Variants in PTCRA observed in about 807,000 individuals in gnomAD.
PTCRA encodes the protein pre T cell antigen receptor alpha.
PTCRA carries 9 observed loss-of-function variants against 13.4 expected under a neutral mutation model. That is an observed-to-expected ratio of 0.67 (90% CI 0.41 to 1.18). The LOEUF is 1.18. PTCRA is among the 50% of genes most tolerant of loss of function. PTCRA has a pLI of 0.01. For synonymous variants in PTCRA, 153 were observed against 161.9 expected (o/e 0.94, Z 0.42); for missense variants, 353 against 359.8 (o/e 0.98, Z 0.15).
At chr6:42,921,733 C>T (rs919341204) in intron 1 of PTCRA, among the ~76,000 whole-genome samples, 7 of 88,174 alleles carry the variant, frequency 7.9e-5, no homozygotes, top group Admixed American at 2.6e-4. Context: ...CTTTTTTTTT[C>T]AAAAAAAAAA....
chr6:42,920,632 A>G (rs756019241), intron 1 of PTCRA, among the ~76,000 whole-genome samples: 127 of 151,620 alleles, frequency 8.4e-4, no homozygotes, highest in Non-Finnish European at 1.5e-3. Context: ...TCACCGTGTT[A>G]GCCAGGATGG....
chr6:42,921,974 G>A (rs1159375605), intron 1 of PTCRA, among the ~76,000 whole-genome samples: 1 of 151,776 alleles, frequency 6.6e-6, no homozygotes, highest in Admixed American at 6.6e-5. Context: ...GCAGTGAGCC[G>A]ACATGGTGCC....
In PTCRA at chr6:42,920,639, A is replaced by T. The variant is rs558195801; in HGVS notation, c.59-2388A>T. ...ACGGGGTTTCACCGTGTTAGCCAGG[A>T]TGGTCTCTATCTCCTGACCTCGTGA... is the stretch of plus-strand genomic sequence containing the variant. On this transcript the variant is annotated intron_variant, in intron 1 of 3. Transcript: ENST00000304672. Among the ~76,000 whole-genome samples the T allele has an allele frequency of 3.2e-4, 48 of 151,564 alleles. 1 individual carries two copies. Among genetic ancestry groups the T allele is most frequent in the South Asian group, 2.5e-3 (12 of 4,788 alleles).
intron 2 of PTCRA, among the ~76,000 whole-genome samples, chr6:42,923,930 A>G (rs995597726): frequency 2.0e-5 from 3 of 152,230 alleles, no homozygotes; most frequent in African/African-American, 7.2e-5. Context: ...AATGTTTGTT[A>G]ACTAAGTGCC....
chr6:42,916,878 A>C (rs1766897117), intron 1 of PTCRA, among the ~76,000 whole-genome samples: 2 of 152,176 alleles, frequency 1.3e-5, no homozygotes, highest in South Asian at 2.1e-4. Context: ...TATGTGGAAC[A>C]CAGGGAGCCC....
chr6:42,922,572 C>T (rs796186800), intron 1 of PTCRA, among the ~76,000 whole-genome samples: 19 of 151,966 alleles, frequency 1.3e-4, no homozygotes, highest in African/African-American at 4.3e-4. Flanking sequence ...CACGTCTCTA[C>T]TAAAAATAAA....
intron 3 of PTCRA, 47 bp downstream of exon 3, chr6:42,924,320 A>T: frequency 6.4e-7 from 1 of 1,565,264 alleles, no homozygotes; most frequent in Non-Finnish European, 8.8e-7. Flanking sequence ...TGGGACCAGG[A>T]CCTTGGGCCC....
In PTCRA at chr6:42,916,080, C is replaced by T. The variant is rs1766862864; in HGVS notation, c.11C>T (p.Thr4Ile). MAG[T>I]WLLLLLALGC... ...CCTTCCGAGTGGGCCATGGCCGGTA[C>T]ATGGCTGCTACTTCTCCTGGCCCTT... Residue 4 changes from threonine to isoleucine, a missense_variant, in exon 1 of 4, where the codon ACA becomes ATA. Coordinates refer to ENST00000304672, the MANE Select transcript of PTCRA (RefSeq NM_138296.3). 1 of 1,613,974 alleles carries T rather than the reference C, an allele frequency of 6.2e-7. No homozygotes were observed. Among genetic ancestry groups the T allele is most frequent in the Non-Finnish European group, 8.5e-7 (1 of 1,179,954 alleles).
chr6:42,922,286 T>A, intron 1 of PTCRA: 1 of 701,632 alleles, frequency 1.4e-6, no homozygotes, highest in Non-Finnish European at 2.6e-6. Flanking sequence ...TTTTTACACA[T>A]CTACTGTCTT....
At chr6:42,923,441 G>A in intron 2 of PTCRA, 94 bp downstream of exon 2, 1 of 1,242,928 alleles carries the variant, frequency 8.0e-7, no homozygotes, top group Non-Finnish European at 1.1e-6. Context: ...GGCCACAAAG[G>A]CATGAAGGGT....
chr6:42,916,702 C>A (rs1298452540), intron 1 of PTCRA, among the ~76,000 whole-genome samples: 2 of 152,138 alleles, frequency 1.3e-5, no homozygotes, highest in African/African-American at 2.4e-5. Flanking sequence ...AGCCAAAGGA[C>A]TCATGTTTTG....
At chr6:42,919,238 C>T (rs1581680293) in intron 1 of PTCRA, among the ~76,000 whole-genome samples, 1 of 152,110 alleles carries the variant, frequency 6.6e-6, no homozygotes, top group East Asian at 1.9e-4. Flanking sequence ...TTGTGATCTG[C>T]CCACCTCAGC....
chr6:42,918,510 C>G (rs1433206886), intron 1 of PTCRA, among the ~76,000 whole-genome samples: 1 of 151,942 alleles, frequency 6.6e-6, no homozygotes, highest in African/African-American at 2.4e-5. Flanking sequence ...AACAGAGATC[C>G]TGCCACTGCA....
intron 1 of PTCRA, 110 bp downstream of exon 1, chr6:42,916,237 G>A: frequency 9.1e-7 from 1 of 1,101,368 alleles, no homozygotes; most frequent in Admixed American, 2.0e-5. Context: ...CAGGACAAGA[G>A]ATATTTAGGG....
In PTCRA at chr6:42,925,661, T is replaced by C. The variant is rs1186941258; in HGVS notation, c.825T>C (p.Pro275=). 2.0e-6 allele frequency: 3 copies of C among 1,537,872 alleles called. No individual in the cohort carries two copies. In the East Asian group the frequency reaches 6.8e-5, roughly 35 times the overall value. ...GAFFAGDLPP[P]LQAGAA is the part of the protein sequence containing the mutation. ...TTTTTGCAGGTGACCTGCCTCCTCC[T>C]CTGCAGGCTGGAGCTGCCTGAGGGC... The change falls in exon 4 of 4, where the codon CCT becomes CCC. Residue 275 remains proline (P), a synonymous_variant. Transcript: ENST00000304672. The surrounding 1 kb of genome is among the most constrained non-coding windows in gnomAD (Gnocchi z 4.4).
chr6:42,920,993 C>T (rs992792174), intron 1 of PTCRA, among the ~76,000 whole-genome samples: 1 of 151,772 alleles, frequency 6.6e-6, no homozygotes, highest in Non-Finnish European at 1.5e-5. Flanking sequence ...GATGGGGTTT[C>T]GCCATGTTGG....
intron 3 of PTCRA, 72 bp downstream of exon 3, chr6:42,924,345 T>A: frequency 7.5e-7 from 1 of 1,338,652 alleles, no homozygotes; most frequent in East Asian, 2.3e-5. Context: ...GGTGGGGCCT[T>A]CAGCTCTGGC....
At chr6:42,916,392 G>C (rs767869013) in intron 1 of PTCRA, among the ~76,000 whole-genome samples, 1 of 152,134 alleles carries the variant, frequency 6.6e-6, no homozygotes, top group Non-Finnish European at 1.5e-5. Context: ...GGAGCCCACA[G>C]TGTTGATAGG....
intron 3 of PTCRA, 90 bp downstream of exon 3, chr6:42,924,363 G>A: frequency 3.7e-6 from 4 of 1,087,538 alleles, no homozygotes; most frequent in Non-Finnish European, 5.6e-6. Context: ...GGCCTAATGG[G>A]TCTTACACTG....
Sources: gnomAD v4.1 joint callset for allele counts (sites outside exome capture counted in the v4.1 genomes callset) on GRCh38, gnomAD v4.1.1 for gene constraint, Gnocchi (gnomAD v3.1) non-coding constraint, MANE v1.5 for transcripts, NCBI Gene and HGNC (gene_info 2026-07-23, HGNC 2026-07-21) for gene names.